Variants in RUNX2 observed in about 807,000 individuals in gnomAD.
RUNX2 encodes runt-related transcription factor 2.
Under a neutral mutation model 51.7 loss-of-function variants are expected in RUNX2, and 10 were observed. That is an observed-to-expected ratio of 0.19 (90% confidence interval 0.12 to 0.33). RUNX2 has a LOEUF of 0.33. RUNX2 is among the 10% of genes least tolerant of loss of function. The probability of loss-of-function intolerance (pLI) is 1.00; values close to 1 mark genes in which losing one functional copy is unlikely to be tolerated. For missense variants in RUNX2, 562 were observed against 691.3 expected, an observed-to-expected ratio of 0.81 and a Z score of 2.10; for synonymous variants, 276 against 273.6, an observed-to-expected ratio of 1.01 and a Z score of -0.09.
At chr6:45,533,360 A>G (rs1211653796) in intron 7 of RUNX2, among the ~76,000 whole-genome samples, 1 of 152,210 alleles carries the variant, frequency 6.6e-6, no homozygotes, top group African/African-American at 2.4e-5. Context: ...ACAAGGCTCT[A>G]TGTAACTAAG....
chr6:45,496,364 G>C (rs564218515), intron 6 of RUNX2, among the ~76,000 whole-genome samples: 1 of 152,268 alleles, frequency 6.6e-6, no homozygotes, highest in East Asian at 1.9e-4. Flanking sequence ...ATTGATGCAA[G>C]TGAGTGAGAG....
At chr6:45,492,189 T>C in intron 6 of RUNX2, 75 bp downstream of exon 6, 1 of 1,445,546 alleles carries the variant, frequency 6.9e-7, no homozygotes, top group Non-Finnish European at 9.7e-7. Flanking sequence ...AGGAGATGTG[T>C]TCACTTCAAA....
intron 2 of RUNX2, among the ~76,000 whole-genome samples, chr6:45,415,007 C>T (rs922188802): frequency 6.6e-6 from 1 of 151,800 alleles, no homozygotes; most frequent in Non-Finnish European, 1.5e-5. Flanking sequence ...TAATTATAGG[C>T]TTATAATTAG....
chr6:45,493,796 G>A (rs1800560066), intron 6 of RUNX2, among the ~76,000 whole-genome samples: 1 of 151,736 alleles, frequency 6.6e-6, no homozygotes, highest in Non-Finnish European at 1.5e-5. Context: ...ACATATATAT[G>A]TGTTTATATA....
chr6:45,437,213 T>C (rs1798707725), intron 4 of RUNX2, among the ~76,000 whole-genome samples: 1 of 152,192 alleles, frequency 6.6e-6, no homozygotes, highest in South Asian at 2.1e-4. Flanking sequence ...GAAGCACACC[T>C]TCTGCTAAAA....
chr6:45,487,772 A>G (rs955923873), intron 5 of RUNX2, among the ~76,000 whole-genome samples: 4 of 152,212 alleles, frequency 2.6e-5, no homozygotes, highest in Non-Finnish European at 5.9e-5. Context: ...CAGGCACTGA[A>G]CTAGGTTGTG....
At chr6:45,413,429 C>CTTTTTT in intron 2 of RUNX2, among the ~76,000 whole-genome samples, 1 of 56,588 alleles carries the variant, frequency 1.8e-5, no homozygotes, top group Non-Finnish European at 3.0e-5. Flanking sequence ...AAGATACATT[C>CTTTTTT]TTTTTTTTTT....
intron 2 of RUNX2, among the ~76,000 whole-genome samples, chr6:45,361,333 C>A (rs183644564): frequency 6.6e-6 from 1 of 151,934 alleles, no homozygotes; most frequent in Non-Finnish European, 1.5e-5. Context: ...TTTTTAAAAA[C>A]GTGGTGACAT....
chr6:45,419,553 A>C (rs1275403391), intron 2 of RUNX2, among the ~76,000 whole-genome samples: 2 of 152,338 alleles, frequency 1.3e-5, no homozygotes, highest in African/African-American at 4.8e-5. Context: ...AAGGTAGGAC[A>C]GCAATGGATG....
intron 2 of RUNX2, among the ~76,000 whole-genome samples, chr6:45,388,709 C>G (rs146269844): frequency 1.3e-5 from 2 of 152,222 alleles, no homozygotes; most frequent in East Asian, 3.9e-4. Flanking sequence ...TTATTTGGAA[C>G]AATATTGTTA....
intron 3 of RUNX2, among the ~76,000 whole-genome samples, chr6:45,430,730 G>C (rs566852057): frequency 2.0e-5 from 3 of 152,210 alleles, no homozygotes; most frequent in Non-Finnish European, 2.9e-5. Flanking sequence ...AGACAGGCAA[G>C]CACACAGGGG....
At chr6:45,414,882 G>A (rs997446506) in intron 2 of RUNX2, among the ~76,000 whole-genome samples, 4 of 150,186 alleles carry the variant, frequency 2.7e-5, no homozygotes, top group Non-Finnish European at 5.9e-5. Flanking sequence ...GGGATTTCAT[G>A]GAAGATGTCA....
At chr6:45,542,680 A>G (rs1802267575) in intron 7 of RUNX2, among the ~76,000 whole-genome samples, 1 of 152,238 alleles carries the variant, frequency 6.6e-6, no homozygotes, top group Non-Finnish European at 1.5e-5. Context: ...AGAAGAGTCA[A>G]TTTAAGTATT....
intron 6 of RUNX2, among the ~76,000 whole-genome samples, chr6:45,505,395 T>C (rs905763567): frequency 6.6e-6 from 1 of 151,324 alleles, no homozygotes; most frequent in Non-Finnish European, 1.5e-5. Flanking sequence ...CCTTCCTCCC[T>C]TCTCAATATA....
chr6:45,487,208 A>G (rs1287070219), intron 5 of RUNX2, among the ~76,000 whole-genome samples: 1 of 152,150 alleles, frequency 6.6e-6, no homozygotes, highest in Non-Finnish European at 1.5e-5. Flanking sequence ...TTTCCCCTGA[A>G]TGACTGCTGC....
chr6:45,453,881 A>G (rs1202452653), intron 5 of RUNX2, among the ~76,000 whole-genome samples: 1 of 152,248 alleles, frequency 6.6e-6, no homozygotes, highest in Non-Finnish European at 1.5e-5. Context: ...GGATTGTATA[A>G]TTAGGAAAGC....
chr6:45,468,302 GTATAAAAGAAA>G (rs1799697704), intron 5 of RUNX2, among the ~76,000 whole-genome samples: 1 of 151,952 alleles, frequency 6.6e-6, no homozygotes, highest in Non-Finnish European at 1.5e-5. Flanking sequence ...CATTACCATA[GTATAAAAGAAA>G]AATAAAGGAA....
At chr6:45,483,899 A>G (rs1048361046) in intron 5 of RUNX2, among the ~76,000 whole-genome samples, 2 of 152,220 alleles carry the variant, frequency 1.3e-5, no homozygotes, top group Non-Finnish European at 1.5e-5. Flanking sequence ...AGTTGTAGCC[A>G]TTGGAAATGA....
chr6:45,434,623 G>A (rs1354637599), intron 4 of RUNX2, among the ~76,000 whole-genome samples: 1 of 152,086 alleles, frequency 6.6e-6, no homozygotes. Context: ...AGTTAGGAGA[G>A]GCTTAAGGTT....
Sources: gnomAD v4.1 joint callset for allele counts (sites outside exome capture counted in the v4.1 genomes callset) on GRCh38, gnomAD v4.1.1 for gene constraint, MANE v1.5 for transcripts, NCBI Gene and HGNC (gene_info 2026-07-23, HGNC 2026-07-21) for gene names.